MALRD1: variants seen among roughly 807,000 people sequenced by gnomAD.
The protein encoded by MALRD1 is MAM and LDL-receptor class A domain-containing protein 1.
Under a neutral mutation model 242.1 loss-of-function variants are expected in MALRD1, and 247 were observed. The ratio of observed to expected loss-of-function variants is 1.02; its 90% CI spans 0.92 to 1.13. The LOEUF (loss-of-function observed/expected upper bound fraction) is 1.13, where lower values mean the gene tolerates loss of function less well. Among genes scored for constraint, MALRD1 ranks in the 50% most tolerant of loss-of-function variants. The pLI, the probability that MALRD1 is intolerant of heterozygous loss-of-function variation, is 0.00. For missense variants in MALRD1, 2,989 were observed against 2,533.1 expected (o/e 1.18, Z -3.86); for synonymous variants, 995 against 866.6 (o/e 1.15, Z -2.60).
At chr10:19,115,497 A>T (rs957317986) in intron 5 of MALRD1, among the ~76,000 whole-genome samples, 9 of 152,196 alleles carry the variant, frequency 5.9e-5, no homozygotes, top group African/African-American at 1.9e-4. Context: ...TACCATATGT[A>T]AATTTATAAA....
intron 36 of MALRD1, among the ~76,000 whole-genome samples, chr10:19,650,204 G>T (rs927374369): frequency 6.6e-6 from 1 of 152,158 alleles, no homozygotes; most frequent in Non-Finnish European, 1.5e-5. Context: ...TGGCTTTGAA[G>T]ACAGAAATTA....
At chr10:19,572,587 G>T (rs1836616209) in intron 33 of MALRD1, among the ~76,000 whole-genome samples, 1 of 152,170 alleles carries the variant, frequency 6.6e-6, no homozygotes, top group Non-Finnish European at 1.5e-5. Flanking sequence ...ATACTGGGTA[G>T]AATAGTATCT....
intron 31 of MALRD1, among the ~76,000 whole-genome samples, chr10:19,506,834 T>C (rs747154541): frequency 9.2e-5 from 14 of 152,270 alleles, no homozygotes; most frequent in Non-Finnish European, 1.9e-4. Context: ...GGTGGAAATA[T>C]AGACAAAGCA....
chr10:19,191,833 A>G (rs1344917052), intron 14 of MALRD1, among the ~76,000 whole-genome samples: 1 of 152,090 alleles, frequency 6.6e-6, no homozygotes, highest in South Asian at 2.1e-4. Context: ...TCCCATCTCT[A>G]CTAAAAATAC....
chr10:19,611,716 T>G lies in MALRD1; in HGVS notation c.6070+3814T>G, dbSNP rs150542926. On this transcript the variant is annotated intron_variant, in intron 35 of 39. Coordinates refer to ENST00000454679, the MANE Select transcript of MALRD1 (RefSeq NM_001142308.3). ...AGCCATATCCGTCTCCTTCCCCATT[T>G]CATTTGCTCTCTCCTTAAAATTGTT... Among the ~76,000 whole-genome samples, 621 of 152,148 alleles carry G rather than the reference T, an allele frequency of 4.1e-3. 7 individuals carry two copies. The highest frequency in any genetic ancestry group is 0.013 in the African/African-American group (524 of 41,538).
At chr10:19,470,178 T>A (rs997214740) in intron 29 of MALRD1, among the ~76,000 whole-genome samples, 1 of 152,032 alleles carries the variant, frequency 6.6e-6, no homozygotes, top group African/African-American at 2.4e-5. Flanking sequence ...ATTCCACATA[T>A]AACTAAAGTC....
intron 28 of MALRD1, among the ~76,000 whole-genome samples, chr10:19,400,908 C>T (rs77007147): frequency 0.018 from 2,790 of 151,876 alleles, 78 homozygotes; most frequent in African/African-American, 0.064. Flanking sequence ...CCTAATTACT[C>T]GGGAGGCTGA....
At chr10:19,629,142 C>T (rs550425538) in intron 36 of MALRD1, among the ~76,000 whole-genome samples, 5 of 152,272 alleles carry the variant, frequency 3.3e-5, no homozygotes, top group East Asian at 3.9e-4. Flanking sequence ...AAGCAAGCCT[C>T]GTGATATGTT....
rs1450521494 is a variant in MALRD1, at chr10:19,352,191, G to A, written c.4335G>A (p.Gly1445=). Residue 1445 remains glycine, a synonymous_variant, in exon 26 of 40, where the codon GGG becomes GGA. Transcript: ENST00000454679. ...AACTCAAATTTGAAGGTAGAGTTGG[G>A]AAAGGTCAGCGTGGAGACATTGCAC... The part of the protein sequence containing the change: ...DFQLKFEGRV[G]KGQRGDIALD... 9.0e-6 allele frequency: 14 copies of A among 1,550,370 alleles called. No individual in the cohort carries two copies. The Admixed American group carries it at 2.6e-4, about 28-fold the overall frequency.
intron 10 of MALRD1, among the ~76,000 whole-genome samples, chr10:19,137,575 T>A (rs1187506496): frequency 1.5e-5 from 2 of 132,062 alleles, no homozygotes; most frequent in Admixed American, 9.2e-5. Context: ...CATTGCACTC[T>A]CCAGCCCAGG....
Position 19,123,270 on chromosome 10 carries a change from T to G in MALRD1, c.695-222T>G, listed in dbSNP as rs549950440. Among the ~76,000 whole-genome samples, 3 of 151,888 alleles carry G rather than the reference T, an allele frequency of 2.0e-5. No individual in the cohort carries two copies. The South Asian group carries it at 6.2e-4, about 32-fold the overall frequency. On this transcript the variant is annotated intron_variant, in intron 5 of 39. Transcript: ENST00000454679. ...CTGAAACATTGGCATAGTTGTTTTGTTCTGTTTTTCTCTGTCTCTATTTGA... is the reference window on the plus strand; with the variant it reads ...CTGAAACATTGGCATAGTTGTTTTGGTCTGTTTTTCTCTGTCTCTATTTGA...
chr10:19,457,969 T>C (rs981092870), intron 29 of MALRD1, among the ~76,000 whole-genome samples: 1 of 152,086 alleles, frequency 6.6e-6, no homozygotes, highest in Non-Finnish European at 1.5e-5. Flanking sequence ...GAATATTTGT[T>C]AACTACAAAT....
chr10:19,419,149 G>A (rs1833622220), intron 28 of MALRD1, among the ~76,000 whole-genome samples: 1 of 152,058 alleles, frequency 6.6e-6, no homozygotes, highest in African/African-American at 2.4e-5. Context: ...ATATACCCTT[G>A]TCTTTTAATA....
chr10:19,358,289 G>A (rs1844732082), intron 26 of MALRD1, among the ~76,000 whole-genome samples: 1 of 149,888 alleles, frequency 6.7e-6, no homozygotes, highest in Non-Finnish European at 1.5e-5. Context: ...ATCTGTTTTG[G>A]GATATAACAT....
intron 1 of MALRD1, among the ~76,000 whole-genome samples, chr10:19,052,346 T>C (rs190536845): frequency 1.8e-3 from 270 of 152,346 alleles, no homozygotes; most frequent in South Asian, 0.013. Context: ...CTTAACATAC[T>C]GTAAATGTTA....
At chr10:19,535,909 C>T (rs916920437) in intron 32 of MALRD1, among the ~76,000 whole-genome samples, 1 of 151,968 alleles carries the variant, frequency 6.6e-6, no homozygotes, top group African/African-American at 2.4e-5. Context: ...TTATAGAAAC[C>T]CTTCAGAGGG....
chr10:19,208,319 A>G (rs1264777567), intron 17 of MALRD1, among the ~76,000 whole-genome samples: 2 of 152,158 alleles, frequency 1.3e-5, no homozygotes. Context: ...GGGTAAACAG[A>G]GGTGGAGGAA....
intron 24 of MALRD1, among the ~76,000 whole-genome samples, chr10:19,339,506 A>G (rs1843747312): frequency 6.6e-6 from 1 of 152,186 alleles, no homozygotes; most frequent in Non-Finnish European, 1.5e-5. Context: ...GATGTTACAT[A>G]ACATAAATCT....
intron 31 of MALRD1, among the ~76,000 whole-genome samples, chr10:19,500,192 G>A (rs1837907969): frequency 6.6e-6 from 1 of 152,106 alleles, no homozygotes; most frequent in South Asian, 2.1e-4. Flanking sequence ...TTCTTTTTAT[G>A]TCTGGTAGAA....
Sources: gnomAD v4.1 joint callset for allele counts (sites outside exome capture counted in the v4.1 genomes callset) on GRCh38, gnomAD v4.1.1 for gene constraint, MANE v1.5 for transcripts, NCBI Gene and HGNC (gene_info 2026-07-23, HGNC 2026-07-21) for gene names.